EPM2A: variants seen among roughly 807,000 people sequenced by gnomAD.
EPM2A encodes the protein laforin.
In EPM2A, 21 loss-of-function variants were observed where a neutral mutation model predicts 26.5. The observed-to-expected ratio is 0.79, with a 90% CI of 0.56 to 1.14. The LOEUF (loss-of-function observed/expected upper bound fraction) is 1.14, where lower values mean the gene tolerates loss of function less well. Among genes scored for constraint, EPM2A ranks in the 50% most tolerant of loss-of-function variants. EPM2A has a pLI of 0.00. For missense variants in EPM2A, 458 were observed against 440.8 expected, an observed-to-expected ratio of 1.04 and a Z score of -0.35; for synonymous variants, 217 against 177.6, an observed-to-expected ratio of 1.22 and a Z score of -1.76.
intron 1 of EPM2A, among the ~76,000 whole-genome samples, chr6:145,702,100 C>T (rs1009569987): frequency 3.9e-5 from 6 of 152,154 alleles, no homozygotes; most frequent in Non-Finnish European, 7.4e-5. Context: ...CCTTCTCTTG[C>T]CTCTAGCTAG....
chr6:145,711,084 C>A (rs1775293595), intron 1 of EPM2A, among the ~76,000 whole-genome samples: 1 of 152,058 alleles, frequency 6.6e-6, no homozygotes. Context: ...AACAAACCTG[C>A]ACGTTGTGCA....
At chr6:145,654,293 T>A (rs1264480472) in intron 2 of EPM2A, among the ~76,000 whole-genome samples, 1 of 152,084 alleles carries the variant, frequency 6.6e-6, no homozygotes, top group Non-Finnish European at 1.5e-5. Flanking sequence ...GCAATTCTCC[T>A]GCCTCAGCCT....
chr6:145,626,365 T>C lies in EPM2A; in HGVS notation c.*1051A>G, dbSNP rs966936388. 9 of 985,876 alleles carry C rather than the reference T, an allele frequency of 9.1e-6. No homozygotes were observed. The highest frequency in any genetic ancestry group is 5.2e-4 in the Middle Eastern group (1 of 1,936). 61.1% of individuals were successfully genotyped at this position (985,876 alleles called of 1,614,324 possible). A position where few individuals can be genotyped will look rare whatever the true frequency, so the allele number is the denominator to read the frequency against. On this transcript the variant is annotated 3_prime_UTR_variant, in exon 4 of 4. Coordinates refer to ENST00000367519, the MANE Select transcript of EPM2A (RefSeq NM_005670.4). ...AGGCTGTGAAGCAATTATCCATGGATTTGGTCATTTGGGCTCTTTTGGTAG... is the reference window on the plus strand; with the variant it reads ...AGGCTGTGAAGCAATTATCCATGGACTTGGTCATTTGGGCTCTTTTGGTAG...
intron 2 of EPM2A, among the ~76,000 whole-genome samples, chr6:145,647,230 G>A (rs1036149407): frequency 1.3e-4 from 20 of 152,074 alleles, no homozygotes; most frequent in African/African-American, 4.6e-4. Flanking sequence ...TGACCCCTAC[G>A]TGTGTCACTA....
At chr6:145,677,385 C>A (rs1583032764) in intron 2 of EPM2A, among the ~76,000 whole-genome samples, 2 of 152,154 alleles carry the variant, frequency 1.3e-5, no homozygotes, top group East Asian at 1.9e-4. Context: ...GACAAGGATG[C>A]CCTCTCTCAC....
intron 4 of EPM2A, among the ~76,000 whole-genome samples, chr6:145,397,637 T>G (rs1251758758): frequency 6.6e-6 from 1 of 152,136 alleles, no homozygotes. Context: ...TAATCTCCAG[T>G]CTCACCAACT....
chr6:145,711,868 C>T (rs570617673), intron 1 of EPM2A, among the ~76,000 whole-genome samples: 5 of 152,060 alleles, frequency 3.3e-5, no homozygotes, highest in South Asian at 2.1e-4. Flanking sequence ...AAAATGCATA[C>T]GTGGAAAAAC....
intron 4 of EPM2A, among the ~76,000 whole-genome samples, chr6:145,430,487 G>C (rs1778907583): frequency 6.6e-6 from 1 of 151,636 alleles, no homozygotes; most frequent in African/African-American, 2.4e-5. Context: ...TGTATTTCCA[G>C]CTACTCGGGA....
chr6:145,702,681 C>T (rs1188868046), intron 1 of EPM2A, among the ~76,000 whole-genome samples: 3 of 152,190 alleles, frequency 2.0e-5, no homozygotes, highest in African/African-American at 7.2e-5. Context: ...AGGTATACTA[C>T]TAAAACAAAC....
intron 2 of EPM2A, among the ~76,000 whole-genome samples, chr6:145,568,514 G>A (rs953182524): frequency 5.3e-5 from 8 of 151,972 alleles, no homozygotes; most frequent in East Asian, 1.9e-4. Flanking sequence ...GTAGAAACGC[G>A]GTTTCTCCAG....
At chr6:145,467,080 A>G (rs1205783217) in intron 4 of EPM2A, among the ~76,000 whole-genome samples, 1 of 152,168 alleles carries the variant, frequency 6.6e-6, no homozygotes, top group African/African-American at 2.4e-5. Flanking sequence ...CCAGCATGGC[A>G]CATGTATGCA....
chr6:145,496,730 T>TTTTTTTTTTTTTG (rs1779825569), downstream of EPM2A, among the ~76,000 whole-genome samples: 5 of 51,314 alleles, frequency 9.7e-5, 1 homozygote, highest in Non-Finnish European at 1.6e-4. Flanking sequence ...TTCCTGCAAT[T>TTTTTTTTTTTTTG]TTTTTTTTTT....
chr6:145,472,201 C>T (rs1263896360), intron 4 of EPM2A, among the ~76,000 whole-genome samples: 2 of 151,648 alleles, frequency 1.3e-5, no homozygotes, highest in African/African-American at 4.8e-5. Context: ...AGACCCAGTC[C>T]TGCCAGCATT....
intron 1 of EPM2A, among the ~76,000 whole-genome samples, chr6:145,717,698 T>C (rs1467937934): frequency 6.6e-6 from 1 of 150,408 alleles, no homozygotes; most frequent in Non-Finnish European, 1.5e-5. Context: ...GCAGACGACA[T>C]GATTGTATAT....
intron 3 of EPM2A, chr6:145,630,640 C>T (rs1216222559): frequency 6.6e-6 from 1 of 152,196 alleles, no homozygotes; most frequent in Admixed American, 6.5e-5. Context: ...AGAGAAGTAG[C>T]TGGTCCAGGG....
chr6:145,422,837 G>C (rs1336573871), intron 4 of EPM2A, among the ~76,000 whole-genome samples: 10 of 151,940 alleles, frequency 6.6e-5, no homozygotes, highest in African/African-American at 2.4e-4. Context: ...AATCAACAAG[G>C]TAGTATCAAT....
At chr6:145,482,643 G>C (rs1179715122) in intron 4 of EPM2A, among the ~76,000 whole-genome samples, 1 of 152,052 alleles carries the variant, frequency 6.6e-6, no homozygotes, top group Non-Finnish European at 1.5e-5. Flanking sequence ...TGCGCTTGGA[G>C]AGAAGCCTTT....
intron 2 of EPM2A, among the ~76,000 whole-genome samples, chr6:145,588,394 T>C (rs917550016): frequency 6.6e-6 from 1 of 152,212 alleles, no homozygotes; most frequent in East Asian, 1.9e-4. Context: ...AAATTCTTCA[T>C]TTGGAACATG....
chr6:145,735,630 T>G, upstream of EPM2A: 1 of 1,082,078 alleles, frequency 9.2e-7, no homozygotes, highest in Non-Finnish European at 1.1e-6. Context: ...CACGTGCTGT[T>G]CTGCGCCTTC....
Sources: gnomAD v4.1 joint callset for allele counts (sites outside exome capture counted in the v4.1 genomes callset) on GRCh38, gnomAD v4.1.1 for gene constraint, MANE v1.5 for transcripts, NCBI Gene and HGNC (gene_info 2026-07-23, HGNC 2026-07-21) for gene names.